The following COMMD10 variants were observed in gnomAD, a reference collection of about 807,000 sequenced individuals.
COMMD10 encodes COMM domain containing 10, also known as COMM domain-containing protein 10.
COMMD10 carries 33 observed loss-of-function variants against 28.9 expected under a neutral mutation model. That is an observed-to-expected ratio of 1.14 (90% CI 0.87 to 1.53). The LOEUF is 1.53. Among genes scored for constraint, COMMD10 ranks in the 40% most tolerant of loss-of-function variants. The pLI, the probability that COMMD10 is intolerant of heterozygous loss-of-function variation, is 0.00. For missense variants in COMMD10, 310 were observed against 233.4 expected, an observed-to-expected ratio of 1.33 and a Z score of -2.14; for synonymous variants, 110 against 81.7, an observed-to-expected ratio of 1.35 and a Z score of -1.87.
intron 5 of COMMD10, 86 bp from the exon 6 acceptor site, chr5:116,291,431 G>T (rs913795222): frequency 1.1e-6 from 1 of 909,178 alleles, no homozygotes; most frequent in Non-Finnish European, 1.8e-6. Context: ...ACAATCTTAT[G>T]TCATATTCTG....
chr5:116,248,424 AGG>A (rs1363118222), intron 5 of COMMD10, among the ~76,000 whole-genome samples: 3 of 152,042 alleles, frequency 2.0e-5, no homozygotes, highest in Non-Finnish European at 2.9e-5. Context: ...AAAAGAATTA[AGG>A]TTATTTACAA....
At chr5:116,170,583 C>G (rs143961341) in intron 5 of COMMD10, among the ~76,000 whole-genome samples, 9,180 of 152,190 alleles carry the variant, frequency 0.06, 514 homozygotes, top group African/African-American at 0.14. Context: ...TAACTTAAAA[C>G]TATACTACAA....
At chr5:116,207,635 T>C (rs1282828587) in intron 5 of COMMD10, among the ~76,000 whole-genome samples, 2 of 152,034 alleles carry the variant, frequency 1.3e-5, no homozygotes, top group Non-Finnish European at 2.9e-5. Flanking sequence ...AAGCGATTCT[T>C]ATGCCTCAGC....
chr5:116,200,695 G>T (rs1451849256), intron 5 of COMMD10, among the ~76,000 whole-genome samples: 1 of 151,766 alleles, frequency 6.6e-6, no homozygotes, highest in Admixed American at 6.6e-5. Flanking sequence ...CCTGAGTTTT[G>T]TCCATTCAAC....
intron 5 of COMMD10, among the ~76,000 whole-genome samples, chr5:116,290,119 T>C (rs1018053566): frequency 1.3e-5 from 2 of 151,878 alleles, no homozygotes; most frequent in African/African-American, 4.9e-5. Context: ...CCTATCTTTT[T>C]GGATGGAGGT....
At chr5:116,215,204 T>A (rs1749064186) in intron 5 of COMMD10, among the ~76,000 whole-genome samples, 1 of 152,034 alleles carries the variant, frequency 6.6e-6, no homozygotes, top group Non-Finnish European at 1.5e-5. Flanking sequence ...GGCAAATGGG[T>A]AAAAAATTTG....
chr5:116,219,635 T>TC (rs1749193916), intron 5 of COMMD10, among the ~76,000 whole-genome samples: 1 of 152,186 alleles, frequency 6.6e-6, no homozygotes, highest in Non-Finnish European at 1.5e-5. Flanking sequence ...CCCTGCTGAC[T>TC]CCTTGTTTTC....
At chr5:116,241,786 G>C (rs888810901) in intron 5 of COMMD10, among the ~76,000 whole-genome samples, 1 of 150,836 alleles carries the variant, frequency 6.6e-6, no homozygotes, top group Non-Finnish European at 1.5e-5. Context: ...CTAATTTTTT[G>C]TATTTTCTTT....
At chr5:116,085,494 T>C (rs1750064053) in intron 1 of COMMD10, 1 of 218,796 alleles carries the variant, frequency 4.6e-6, no homozygotes, top group Non-Finnish European at 9.0e-6. Flanking sequence ...TGGGAAAGGC[T>C]CACGCTGCTG....
At chr5:116,237,104 A>G (rs973016293) in intron 5 of COMMD10, among the ~76,000 whole-genome samples, 4 of 152,174 alleles carry the variant, frequency 2.6e-5, no homozygotes, top group African/African-American at 9.6e-5. Context: ...GGCTATCTGA[A>G]TGAAGAATGT....
At chr5:116,171,104 C>A (rs1390939474) in intron 5 of COMMD10, among the ~76,000 whole-genome samples, 1 of 151,636 alleles carries the variant, frequency 6.6e-6, no homozygotes, top group Non-Finnish European at 1.5e-5. Flanking sequence ...GGTCTAATAT[C>A]CAGAATCTAC....
intron 4 of COMMD10, among the ~76,000 whole-genome samples, chr5:116,115,758 A>G (rs1580456928): frequency 1.3e-5 from 2 of 152,196 alleles, no homozygotes; most frequent in Non-Finnish European, 2.9e-5. Context: ...TGTTTTTGAC[A>G]TCAATGTATC....
chr5:116,265,079 G>A (rs1476419914), intron 5 of COMMD10, among the ~76,000 whole-genome samples: 1 of 151,718 alleles, frequency 6.6e-6, no homozygotes, highest in African/African-American at 2.4e-5. Context: ...CAGACATTTT[G>A]TCTGCTTCGC....
intron 5 of COMMD10, among the ~76,000 whole-genome samples, chr5:116,176,864 A>G (rs1367271868): frequency 6.6e-6 from 1 of 152,144 alleles, no homozygotes; most frequent in East Asian, 1.9e-4. Flanking sequence ...AGTAACTATA[A>G]AAGTGTAAAG....
At chr5:116,240,442 A>C (rs17139253) in intron 5 of COMMD10, among the ~76,000 whole-genome samples, 8 of 152,096 alleles carry the variant, frequency 5.3e-5, no homozygotes, top group Non-Finnish European at 1.0e-4. Context: ...AGAAAACTTC[A>C]TAAGCACATA....
intron 5 of COMMD10, among the ~76,000 whole-genome samples, chr5:116,180,824 G>A (rs1396494801): frequency 6.6e-6 from 1 of 152,024 alleles, no homozygotes; most frequent in African/African-American, 2.4e-5. Context: ...ATTTTAATGA[G>A]TTTTTTGTTG....
chr5:116,244,660 C>CAAAAAAAAAA (rs60360733), intron 5 of COMMD10, among the ~76,000 whole-genome samples: 12 of 79,470 alleles, frequency 1.5e-4, no homozygotes, highest in East Asian at 3.8e-4. Flanking sequence ...AAAAAAATTA[C>CAAAAAAAAAA]AAAAAAAAAA....
chr5:116,203,802 A>T (rs1474880895), intron 5 of COMMD10, among the ~76,000 whole-genome samples: 1 of 152,186 alleles, frequency 6.6e-6, no homozygotes, highest in Non-Finnish European at 1.5e-5. Context: ...AAATGTAAAG[A>T]CCATCGAGAC....
intron 5 of COMMD10, among the ~76,000 whole-genome samples, chr5:116,227,033 G>C (rs1408522131): frequency 6.6e-6 from 1 of 151,970 alleles, no homozygotes; most frequent in Admixed American, 6.6e-5. Flanking sequence ...CTGTTTATCT[G>C]ATTCACTCTC....
Sources: gnomAD v4.1 joint callset for allele counts (sites outside exome capture counted in the v4.1 genomes callset) on GRCh38, gnomAD v4.1.1 for gene constraint, MANE v1.5 for transcripts, NCBI Gene and HGNC (gene_info 2026-07-23, HGNC 2026-07-21) for gene names.